Variants in CNTN5 observed in about 807,000 individuals in gnomAD.
CNTN5 encodes the protein contactin-5.
CNTN5 carries 77 observed loss-of-function variants against 129.1 expected under a neutral mutation model. That is an observed-to-expected ratio of 0.60 (90% CI 0.50 to 0.72). The LOEUF is 0.72. Ranked by LOEUF, CNTN5 falls within the 30% of genes least tolerant of loss-of-function variation. CNTN5 has a pLI of 0.00. For synonymous variants in CNTN5, 509 were observed against 465.6 expected, an observed-to-expected ratio of 1.09 and a Z score of -1.20; for missense variants, 1,478 against 1,328.8, an observed-to-expected ratio of 1.11 and a Z score of -1.75.
chr11:99,921,750 A>G (rs762502098), intron 7 of CNTN5, among the ~76,000 whole-genome samples: 1 of 152,306 alleles, frequency 6.6e-6, no homozygotes, highest in South Asian at 2.1e-4. Flanking sequence ...AAAAATATTT[A>G]TTGAATGAAT....
chr11:99,325,936 A>T (rs1865771027), intron 2 of CNTN5, among the ~76,000 whole-genome samples: 1 of 152,220 alleles, frequency 6.6e-6, no homozygotes, highest in Admixed American at 6.5e-5. Flanking sequence ...TTAAATAAGC[A>T]GGAAGTCATG....
At chr11:99,069,777 T>G (rs1865262065) in intron 1 of CNTN5, among the ~76,000 whole-genome samples, 1 of 152,208 alleles carries the variant, frequency 6.6e-6, no homozygotes, top group Non-Finnish European at 1.5e-5. Flanking sequence ...TTAGCTTTAC[T>G]TCTCTTCCAG....
At chr11:100,047,898 G>A (rs570866260) in intron 9 of CNTN5, among the ~76,000 whole-genome samples, 15 of 152,220 alleles carry the variant, frequency 9.9e-5, no homozygotes, top group South Asian at 2.1e-4. Context: ...TTGGGAGGCC[G>A]AGGCGGGCAG....
intron 1 of CNTN5, among the ~76,000 whole-genome samples, chr11:99,090,657 T>C (rs1196591573): frequency 6.9e-6 from 1 of 145,572 alleles, no homozygotes; most frequent in Non-Finnish European, 1.5e-5. Flanking sequence ...AAAAAAGAAA[T>C]GTGTCAAAGG....
chr11:99,577,594 G>A (rs1422596888), intron 3 of CNTN5, among the ~76,000 whole-genome samples: 1 of 152,018 alleles, frequency 6.6e-6, no homozygotes, highest in African/African-American at 2.4e-5. Context: ...TGTGACAGAT[G>A]ATTATTTTTC....
intron 15 of CNTN5, among the ~76,000 whole-genome samples, chr11:100,209,385 G>C (rs1948977975): frequency 6.6e-6 from 1 of 152,142 alleles, no homozygotes; most frequent in Non-Finnish European, 1.5e-5. Flanking sequence ...GCCACTATTT[G>C]AATGGATCCT....
At chr11:100,079,104 C>T (rs1944260507) in intron 13 of CNTN5, among the ~76,000 whole-genome samples, 1 of 152,070 alleles carries the variant, frequency 6.6e-6, no homozygotes. Flanking sequence ...ACGAGAACAG[C>T]GTGCGGAATA....
intron 2 of CNTN5, among the ~76,000 whole-genome samples, chr11:99,515,343 A>C (rs528674515): frequency 6.6e-6 from 1 of 152,198 alleles, no homozygotes; most frequent in East Asian, 1.9e-4. Context: ...ATTTAGCTGA[A>C]ATTCCTGCTA....
intron 3 of CNTN5, among the ~76,000 whole-genome samples, chr11:99,730,422 A>G (rs1943491665): frequency 6.6e-6 from 1 of 152,258 alleles, no homozygotes; most frequent in Non-Finnish European, 1.5e-5. Flanking sequence ...GATCTGTTCA[A>G]GACTATATTG....
At chr11:99,589,875 G>C (rs1355001101) in intron 3 of CNTN5, among the ~76,000 whole-genome samples, 1 of 152,162 alleles carries the variant, frequency 6.6e-6, no homozygotes, top group Non-Finnish European at 1.5e-5. Context: ...TTGAGTATAG[G>C]GGAAAGTTAA....
chr11:99,506,001 C>G lies in CNTN5; in HGVS notation c.-70-50144C>G, dbSNP rs543664269. On this transcript the variant is annotated intron_variant, in intron 2 of 24. Coordinates refer to ENST00000524871, the MANE Select transcript of CNTN5 (RefSeq NM_014361.4). Reference sequence around the variant, plus strand: ...AGTCATAACGGATCAGGTACAGTGGCTTTTGCTTCCACATTTGAGCTGCCT... The same window carrying G: ...AGTCATAACGGATCAGGTACAGTGGGTTTTGCTTCCACATTTGAGCTGCCT... Among the ~76,000 whole-genome samples the G allele has an allele frequency of 1.6e-4, 24 of 152,312 alleles. 1 individual carries two copies. The South Asian group carries it at 3.1e-3, about 20-fold the overall frequency.
chr11:99,927,373 A>G (rs184691614), intron 7 of CNTN5, among the ~76,000 whole-genome samples: 39 of 152,254 alleles, frequency 2.6e-4, no homozygotes, highest in African/African-American at 9.1e-4. Flanking sequence ...TGACTATATC[A>G]TATGGTCCTT....
At chr11:99,708,634 C>T (rs1279869797) in intron 3 of CNTN5, among the ~76,000 whole-genome samples, 1 of 151,546 alleles carries the variant, frequency 6.6e-6, no homozygotes, top group Admixed American at 6.6e-5. Flanking sequence ...ACGTTCTATC[C>T]TCCTCCATTT....
At chr11:100,237,057 T>C (rs1021542504) in intron 16 of CNTN5, among the ~76,000 whole-genome samples, 43 of 150,998 alleles carry the variant, frequency 2.8e-4, no homozygotes, top group South Asian at 1.3e-3. Flanking sequence ...GGTGTGGTGG[T>C]GGGCGCCTCT....
chr11:99,677,032 T>C (rs540900576), intron 3 of CNTN5, among the ~76,000 whole-genome samples: 102 of 152,234 alleles, frequency 6.7e-4, no homozygotes, highest in Non-Finnish European at 1.3e-3. Flanking sequence ...TATATTTCTA[T>C]CTCCTACTCA....
chr11:100,220,747 T>C (rs1271901840), intron 15 of CNTN5, among the ~76,000 whole-genome samples: 4 of 152,188 alleles, frequency 2.6e-5, no homozygotes, highest in Non-Finnish European at 5.9e-5. Flanking sequence ...ATGGAGTGAT[T>C]TTCCCAAGGT....
At chr11:99,963,149 G>A (rs1053631334) in intron 8 of CNTN5, among the ~76,000 whole-genome samples, 2 of 152,140 alleles carry the variant, frequency 1.3e-5, no homozygotes, top group African/African-American at 2.4e-5. Context: ...CTGTGCAGGA[G>A]CTCTTTAGTT....
At chr11:99,616,931 C>T (rs1306989560) in intron 3 of CNTN5, among the ~76,000 whole-genome samples, 1 of 151,938 alleles carries the variant, frequency 6.6e-6, no homozygotes, top group Non-Finnish European at 1.5e-5. Context: ...GCCAACATGG[C>T]AAAACCCTGT....
chr11:99,416,575 C>A (rs1413012717), intron 2 of CNTN5, among the ~76,000 whole-genome samples: 1 of 152,136 alleles, frequency 6.6e-6, no homozygotes, highest in East Asian at 1.9e-4. Flanking sequence ...CATAAGCCAT[C>A]ATGCCCAGTC....
Sources: gnomAD v4.1 joint callset for allele counts (sites outside exome capture counted in the v4.1 genomes callset) on GRCh38, gnomAD v4.1.1 for gene constraint, MANE v1.5 for transcripts, NCBI Gene and HGNC (gene_info 2026-07-23, HGNC 2026-07-21) for gene names.